Variants in MTAP observed in about 807,000 individuals in gnomAD.
The protein encoded by MTAP is S-methyl-5'-thioadenosine phosphorylase.
In MTAP, 33 loss-of-function variants were observed where a neutral mutation model predicts 33.6. That is an observed-to-expected ratio of 0.98 (90% CI 0.74 to 1.31). The LOEUF is 1.31. Among genes scored for constraint, MTAP ranks in the 40% most tolerant of loss-of-function variants. The pLI, the probability that MTAP is intolerant of heterozygous loss-of-function variation, is 0.00. For missense variants in MTAP, 367 were observed against 360.0 expected, an observed-to-expected ratio of 1.02 and a Z score of -0.16; for synonymous variants, 148 against 125.7, an observed-to-expected ratio of 1.18 and a Z score of -1.19.
At chr9:21,872,243 G>C (rs1010730539) in intron 1 of MTAP, among the ~76,000 whole-genome samples, 1 of 152,192 alleles carries the variant, frequency 6.6e-6, no homozygotes, top group Non-Finnish European at 1.5e-5. Context: ...CTTGAACCCA[G>C]AAGGCGGGAG....
chr9:21,905,645 C>G (rs1818464972), intron 1 of MTAP, among the ~76,000 whole-genome samples: 1 of 152,016 alleles, frequency 6.6e-6, no homozygotes, highest in Admixed American at 6.6e-5. Context: ...GAAATAATTC[C>G]CAAGTGACCC....
At position 21,862,394 on chromosome 9, in the gene MTAP, C is replaced by T. The variant is rs111943869; in HGVS notation, c.*380C>T. 9 of 168,204 alleles carry T rather than the reference C, an allele frequency of 5.4e-5. No individual in the cohort carries two copies. The highest frequency in any genetic ancestry group is 1.7e-4 in the African/African-American group (7 of 42,012). The allele number at this position is 168,204 out of a possible 1,614,324, so 10.4% of individuals were successfully genotyped here. A position where few individuals can be genotyped will look rare whatever the true frequency, so the allele number is the denominator to read the frequency against. On this transcript the variant is annotated 3_prime_UTR_variant, in exon 8 of 8. Coordinates refer to ENST00000644715, the MANE Select transcript of MTAP (RefSeq NM_002451.4). ...GGGACTCTTTGGTTATTTATTGATG[C>T]GACTGTAAATTGGTACAGTATTTCT...
chr9:21,863,844 G>C lies in MTAP; in HGVS notation c.*1830G>C. 1 of 985,816 alleles carries C rather than the reference G, an allele frequency of 1.0e-6. No homozygotes were observed. Among genetic ancestry groups the C allele is most frequent in the Non-Finnish European group, 1.2e-6 (1 of 829,916 alleles). 61.1% of individuals were successfully genotyped at this position (985,816 alleles called of 1,614,324 possible). On this transcript the variant is annotated 3_prime_UTR_variant, in exon 8 of 8. Transcript: ENST00000644715. ...TAAGCTGCTAATTGTAAACAAAACA[G>C]TTACCCTCCAGTATTAATATGACTC... is the stretch of plus-strand genomic sequence containing the variant.
rs1238562796 is a variant in MTAP at position 21,864,494 on chromosome 9, A to G, written c.*2480A>G. ...AGCCCTTAGTGATTAATAGATTTGC[A>G]TGTACATAGAAGTCTTTGTTGGCCT... is the stretch of plus-strand genomic sequence containing the variant. On this transcript the variant is annotated 3_prime_UTR_variant, in exon 8 of 8. Coordinates refer to ENST00000644715, the MANE Select transcript of MTAP (RefSeq NM_002451.4). 1.7e-5 allele frequency: 17 copies of G among 985,290 alleles called. No homozygotes were observed. Among genetic ancestry groups the G allele is most frequent in the Non-Finnish European group, 2.0e-5 (17 of 829,940 alleles). The allele number at this position is 985,290 out of a possible 1,614,324, so 61.0% of individuals were successfully genotyped here.
intron 1 of MTAP, among the ~76,000 whole-genome samples, chr9:21,809,280 G>T (rs1054107857): frequency 6.6e-6 from 1 of 152,162 alleles, no homozygotes; most frequent in Non-Finnish European, 1.5e-5. Flanking sequence ...GAATTAGGAT[G>T]TAGCTAGGAT....
chr9:21,863,823 C>G lies in MTAP; in HGVS notation c.*1809C>G. ...CTGAGATTGACTTCAAGATAATAAG[C>G]TGCTAATTGTAAACAAAACAGTTAC... On this transcript the variant is annotated 3_prime_UTR_variant, in exon 8 of 8. Coordinates refer to ENST00000644715, the MANE Select transcript of MTAP (RefSeq NM_002451.4). 13 of 985,762 alleles carry G rather than the reference C, an allele frequency of 1.3e-5. No individual in the cohort carries two copies. The highest frequency in any genetic ancestry group is 6.1e-5 in the Admixed American group (1 of 16,272). 61.1% of individuals were successfully genotyped at this position (985,762 alleles called of 1,614,324 possible).
downstream of MTAP, chr9:21,935,005 T>A (rs1049637479): frequency 3.3e-5 from 5 of 152,076 alleles, no homozygotes; most frequent in East Asian, 1.9e-4. Flanking sequence ...GGCCTTAACT[T>A]TTTTTTAGGT....
chr9:21,826,121 T>C (rs1055128957), intron 4 of MTAP, among the ~76,000 whole-genome samples: 1 of 152,144 alleles, frequency 6.6e-6, no homozygotes, highest in South Asian at 2.1e-4. Context: ...TTTTTAAACA[T>C]ATACACAAAA....
intron 1 of MTAP, among the ~76,000 whole-genome samples, chr9:21,917,631 A>G (rs1818712054): frequency 6.6e-6 from 1 of 152,244 alleles, no homozygotes; most frequent in African/African-American, 2.4e-5. Flanking sequence ...GAACATCTTT[A>G]CATTGCTAGT....
intron 1 of MTAP, chr9:21,811,749 C>T (rs1824355286): frequency 3.8e-6 from 2 of 531,090 alleles, no homozygotes; most frequent in Non-Finnish European, 7.7e-6. Context: ...TCATCCATGC[C>T]CTCGCCCGTG....
In MTAP at chr9:21,814,831, A is replaced by G. The variant is rs540470753; in HGVS notation, c.34-602A>G. Among the ~76,000 whole-genome samples, 5 of 152,304 alleles carry G rather than the reference A, an allele frequency of 3.3e-5. No homozygotes were observed. The East Asian group carries it at 9.6e-4, about 29-fold the overall frequency. ...ATGAATTTGCATACATATATGAATG[A>G]TTGTTTTCATAAATGTATATGCGGG... is the stretch of plus-strand genomic sequence containing the variant. On this transcript the variant is annotated intron_variant, in intron 1 of 7. Coordinates refer to ENST00000644715, the MANE Select transcript of MTAP (RefSeq NM_002451.4).
chr9:21,893,077 G>A (rs942552901), intron 1 of MTAP: 1 of 152,130 alleles, frequency 6.6e-6, no homozygotes, highest in Non-Finnish European at 1.5e-5. Context: ...TGAAAATAAT[G>A]AAAACAAAAG....
chr9:21,817,873 C>A (rs1028215371), intron 3 of MTAP, among the ~76,000 whole-genome samples, 162 bp from the exon 4 acceptor site: 2 of 152,046 alleles, frequency 1.3e-5, no homozygotes, highest in Admixed American at 6.6e-5. Flanking sequence ...TCCAGTGAAC[C>A]TAAATTTTAG....
Position 21,864,981 on chromosome 9 carries a change from G to T in MTAP, c.*2967G>T. On this transcript the variant is annotated 3_prime_UTR_variant, in exon 8 of 8. Transcript: ENST00000644715. ...CAAGCATTTAGCCAGCACTTATCCAGTGAAACAATTTGATAAGGTTTCAAG... is the reference window on the plus strand; with the variant it reads ...CAAGCATTTAGCCAGCACTTATCCATTGAAACAATTTGATAAGGTTTCAAG... 2.0e-6 allele frequency: 2 copies of T among 985,440 alleles called. No homozygotes were observed. Among genetic ancestry groups the T allele is most frequent in the Non-Finnish European group, 2.4e-6 (2 of 829,934 alleles). 61.0% of individuals were successfully genotyped at this position (985,440 alleles called of 1,614,324 possible).
chr9:21,910,382 G>C (rs994217370), intron 1 of MTAP, among the ~76,000 whole-genome samples: 1 of 152,178 alleles, frequency 6.6e-6, no homozygotes, highest in African/African-American at 2.4e-5. Context: ...TAAAACTAGT[G>C]TAGGTAAGTG....
At chr9:21,818,413 C>G (rs548473391) in intron 4 of MTAP, among the ~76,000 whole-genome samples, 2 of 150,144 alleles carry the variant, frequency 1.3e-5, no homozygotes, top group African/African-American at 2.4e-5. Context: ...CTGAAACCTC[C>G]GCCTCCCAGG....
chr9:21,857,936 G>A (rs1228213470), intron 6 of MTAP, among the ~76,000 whole-genome samples: 1 of 152,134 alleles, frequency 6.6e-6, no homozygotes, highest in Non-Finnish European at 1.5e-5. Flanking sequence ...TCTGTCCTCT[G>A]TATTGTCTAT....
intron 1 of MTAP, among the ~76,000 whole-genome samples, chr9:21,906,125 C>T (rs183560348): frequency 3.7e-4 from 57 of 152,232 alleles, no homozygotes; most frequent in African/African-American, 1.3e-3. Context: ...AGGTAAAACA[C>T]TTCTTAAAAT....
intron 3 of MTAP, among the ~76,000 whole-genome samples, chr9:21,817,796 A>T (rs1023026253): frequency 7.6e-4 from 116 of 152,216 alleles, no homozygotes; most frequent in Middle Eastern, 3.4e-3. Flanking sequence ...ACAGAGCATG[A>T]CAGTGGGGTC....
Sources: allele counts gnomAD v4.1 joint callset (sites outside exome capture counted in the v4.1 genomes callset), GRCh38; gene constraint gnomAD v4.1.1; transcripts MANE v1.5; gene names NCBI Gene and HGNC (gene_info 2026-07-23, HGNC 2026-07-21).